Variants in HECTD4 observed in about 807,000 individuals in gnomAD.
HECTD4 encodes probable E3 ubiquitin-protein ligase HECTD4.
Under a neutral mutation model 471.5 loss-of-function variants are expected in HECTD4, and 114 were observed. That is an observed-to-expected ratio of 0.24 (90% CI 0.21 to 0.28). The LOEUF (loss-of-function observed/expected upper bound fraction) is 0.28. Among genes scored for constraint, HECTD4 ranks in the 10% least tolerant of loss-of-function variants. HECTD4 has a pLI of 1.00. For missense variants in HECTD4, 3,866 were observed against 5,651.5 expected, an observed-to-expected ratio of 0.68 and a Z score of 10.13; for synonymous variants, 2,012 against 2,256.0, an observed-to-expected ratio of 0.89 and a Z score of 3.07.
At chr12:112,258,374 G>A (rs2034071316) in intron 20 of HECTD4, 122 bp downstream of exon 20, 2 of 624,836 alleles carry the variant, frequency 3.2e-6, no homozygotes, top group Non-Finnish European at 5.2e-6. Context: ...TTTTCATTCT[G>A]AAGTCTTTTT....
chr12:112,189,453 G>A (rs2031998237), intron 60 of HECTD4, among the ~76,000 whole-genome samples: 1 of 101,996 alleles, frequency 9.8e-6, no homozygotes. Context: ...TCTGGAGGCT[G>A]AGGCAGGAGA....
intron 17 of HECTD4, 138 bp downstream of exon 17, chr12:112,263,946 T>C (rs181582452): frequency 1.0e-5 from 7 of 695,626 alleles, no homozygotes; most frequent in South Asian, 3.8e-5. Context: ...ATCTATGGAA[T>C]GAGTGGCCTA....
intron 7 of HECTD4, among the ~76,000 whole-genome samples, chr12:112,305,500 G>A (rs762141053): frequency 5.3e-5 from 8 of 151,934 alleles, no homozygotes; most frequent in African/African-American, 4.8e-5. Context: ...TATCTCGTGC[G>A]CTTATTTGCT....
intron 1 of HECTD4, among the ~76,000 whole-genome samples, chr12:112,345,817 C>T (rs1027357937): frequency 2.6e-4 from 39 of 152,296 alleles, no homozygotes; most frequent in African/African-American, 9.4e-4. Context: ...ATGGCGTGAA[C>T]CCGGGAGGCA....
intron 11 of HECTD4, among the ~76,000 whole-genome samples, chr12:112,271,771 G>T (rs1342255235): frequency 6.6e-6 from 1 of 151,924 alleles, no homozygotes. Flanking sequence ...TTTTGTTGTT[G>T]TTGTTTTGTT....
Position 112,382,304 on chromosome 12 carries a change from C to A in HECTD4, c.-176G>T. On this transcript the variant is annotated 5_prime_UTR_variant, in exon 1 of 76. Coordinates refer to ENST00000682272, the MANE Select transcript of HECTD4 (RefSeq NM_001388303.1). ...CGGTCCGAGTCGCCATACCCCCGAC[C>A]CCGGCCCGGGAGACCCCGGCCCTGC... 2.0e-6 allele frequency: 1 copy of A among 501,776 alleles called. No individual in the cohort carries two copies. The highest frequency in any genetic ancestry group is 3.0e-6 in the Non-Finnish European group (1 of 334,356). The allele number at this position is 501,776 out of a possible 1,614,324, so 31.1% of individuals were successfully genotyped here.
Position 112,319,404 on chromosome 12 carries a change from T to C in HECTD4, c.516A>G (p.Leu172=), listed in dbSNP as rs1479201666. Residue 172 remains leucine (L), a synonymous_variant, in exon 2 of 76, where the codon CTA becomes CTG. Coordinates refer to ENST00000682272, the MANE Select transcript of HECTD4 (RefSeq NM_001388303.1). This position sits in a 1 kb window ranked among gnomAD's most constrained non-coding sequence, Gnocchi z 5.3. ...PSLCNITAEV[L]LNCLRDCQPL... Reference sequence around the variant, plus strand: ...GCTGGCAGTCACGAAGGCAGTTCAATAGCACCTCAGCAGTTATGTTACAGA... The same window carrying C: ...GCTGGCAGTCACGAAGGCAGTTCAACAGCACCTCAGCAGTTATGTTACAGA... The C allele has an allele frequency of 1.3e-6, 2 of 1,536,136 alleles. No homozygotes were observed. Among genetic ancestry groups the C allele is most frequent in the South Asian group, 2.4e-5 (2 of 84,064 alleles).
chr12:112,176,210 ATTC>A (rs1402894011), intron 65 of HECTD4, among the ~76,000 whole-genome samples: 6 of 152,252 alleles, frequency 3.9e-5, no homozygotes, highest in Non-Finnish European at 7.3e-5. Flanking sequence ...GGAGGCTTGC[ATTC>A]TATTGCCCCA....
chr12:112,263,707 T>TA (rs1566091576), intron 17 of HECTD4, among the ~76,000 whole-genome samples: 52 of 137,904 alleles, frequency 3.8e-4, no homozygotes, highest in East Asian at 1.3e-3. Context: ...CCCAAGATTT[T>TA]TATATATATA....
Position 112,239,371 on chromosome 12 carries a change from A to T in HECTD4, c.5106-135T>A. On this transcript the variant is annotated intron_variant, in intron 33 of 75. Coordinates refer to ENST00000682272, the MANE Select transcript of HECTD4 (RefSeq NM_001388303.1). The surrounding 1 kb of genome is among the most constrained non-coding windows in gnomAD (Gnocchi z 4.9). ...ACAACTTAGGATACTGCCATGTGCA[A>T]TCAAACACAAAATGATTTTCTGATA... is the stretch of plus-strand genomic sequence containing the variant. The T allele has an allele frequency of 1.6e-6, 1 of 632,038 alleles. No individual in the cohort carries two copies. The highest frequency in any genetic ancestry group is 3.6e-5 in the South Asian group (1 of 27,720). The allele number at this position is 632,038 out of a possible 1,614,324, so 39.2% of individuals were successfully genotyped here.
intron 49 of HECTD4, 61 bp downstream of exon 49, chr12:112,212,426 T>C (rs972977061): frequency 2.2e-6 from 3 of 1,369,170 alleles, no homozygotes; most frequent in Non-Finnish European, 3.1e-6. Context: ...CATTTTTCCA[T>C]GTCTAACAGG....
chr12:112,355,495 C>T (rs1397394354), intron 1 of HECTD4, among the ~76,000 whole-genome samples: 8 of 149,956 alleles, frequency 5.3e-5, no homozygotes, highest in Non-Finnish European at 8.9e-5. Flanking sequence ...CACGGTGGCT[C>T]ACACCAGTAA....
chr12:112,223,944 A>G (rs1240639068), intron 44 of HECTD4, among the ~76,000 whole-genome samples: 2 of 152,174 alleles, frequency 1.3e-5, no homozygotes, highest in Non-Finnish European at 2.9e-5. Flanking sequence ...TTGAGTATCA[A>G]TACATTATTG....
rs570633292 is a variant in HECTD4, at chr12:112,308,849, C to A, written c.1068G>T (p.Trp356Cys). ...GAAGACTGCCGCTGCCAAAAGCCAC[C>A]CATCCTGGTTCCAACTCCTCGTTCC... The part of the protein sequence containing the change: ...YCRNEELEPG[W>C]VAFGSGSLLH... Residue 356 changes from tryptophan (W) to cysteine (C), a missense_variant, in exon 6 of 76, where the codon TGG (tryptophan) becomes TGT (cysteine). Physicochemically the swap from Trp to Cys is radical, Grantham distance 215. Coordinates refer to ENST00000682272, the MANE Select transcript of HECTD4 (RefSeq NM_001388303.1). 144 of 1,536,034 alleles carry A rather than the reference C, an allele frequency of 9.4e-5. No homozygotes were observed. In the African/African-American group the frequency reaches 1.9e-3, roughly 20 times the overall value.
At position 112,170,839 on chromosome 12, in the gene HECTD4, G is replaced by C. The variant is rs1015478570; in HGVS notation, c.11932+278C>G. On this transcript the variant is annotated intron_variant, in intron 68 of 75. Coordinates refer to ENST00000682272, the MANE Select transcript of HECTD4 (RefSeq NM_001388303.1). ...CACTTCTGGGATGTAGGGATGTGGA[G>C]GCCAGATAGTAAACAGACCTTCATA... The C allele has an allele frequency of 8.4e-5, 40 of 474,522 alleles. No homozygotes were observed. In the Middle Eastern group the frequency reaches 4.3e-3, roughly 51 times the overall value. The allele number at this position is 474,522 out of a possible 1,614,324, so 29.4% of individuals were successfully genotyped here. A position where few individuals can be genotyped will look rare whatever the true frequency, so the allele number is the denominator to read the frequency against.
intron 3 of HECTD4, among the ~76,000 whole-genome samples, chr12:112,313,709 G>C (rs1308595756): frequency 2.0e-5 from 3 of 151,662 alleles, no homozygotes; most frequent in Non-Finnish European, 4.4e-5. Flanking sequence ...GGCTGGTTTT[G>C]AACTCCTGAC....
At chr12:112,293,314 G>A (rs904146865) in intron 7 of HECTD4, among the ~76,000 whole-genome samples, 2 of 148,672 alleles carry the variant, frequency 1.3e-5, no homozygotes, top group South Asian at 2.1e-4. Flanking sequence ...GCGGTGAGCC[G>A]AGATCGCACC....
intron 1 of HECTD4, among the ~76,000 whole-genome samples, chr12:112,356,120 G>A (rs969318060): frequency 1.3e-5 from 2 of 151,884 alleles, no homozygotes; most frequent in Non-Finnish European, 2.9e-5. Context: ...TCCCTCAAAC[G>A]TATAAGCACC....
At chr12:112,277,332 A>G (rs1023629259) in intron 9 of HECTD4, among the ~76,000 whole-genome samples, 1 of 152,088 alleles carries the variant, frequency 6.6e-6, no homozygotes, top group Non-Finnish European at 1.5e-5. Context: ...GCAGTCACAG[A>G]CTCACTCCAT....
Sources: gnomAD v4.1 joint callset for allele counts (sites outside exome capture counted in the v4.1 genomes callset) on GRCh38, gnomAD v4.1.1 for gene constraint, Gnocchi (gnomAD v3.1) non-coding constraint, MANE v1.5 for transcripts, NCBI Gene and HGNC (gene_info 2026-07-23, HGNC 2026-07-21) for gene names.